Variants in TACR3 observed in about 807,000 individuals in gnomAD.
TACR3 encodes the protein tachykinin receptor 3.
Under a neutral mutation model 35.0 loss-of-function variants are expected in TACR3, and 34 were observed. The ratio of observed to expected loss-of-function variants is 0.97; its 90% CI spans 0.74 to 1.30. The LOEUF (loss-of-function observed/expected upper bound fraction) is 1.30. Ranked by LOEUF, TACR3 falls within the 50% of genes most tolerant of loss-of-function variation. The probability of loss-of-function intolerance (pLI) is 0.00; values close to 1 mark genes in which losing one functional copy is unlikely to be tolerated. For missense variants in TACR3, 558 were observed against 591.7 expected (o/e 0.94, Z 0.59); for synonymous variants, 233 against 221.1 (o/e 1.05, Z -0.48).
chr4:103,653,044 C>T (rs1725656779), intron 3 of TACR3, among the ~76,000 whole-genome samples: 1 of 151,794 alleles, frequency 6.6e-6, no homozygotes, highest in African/African-American at 2.4e-5. Flanking sequence ...ATGCTCATAC[C>T]AATAACTGAC....
rs1723776554 is a variant in TACR3, at chr4:103,586,644, T to TAGCAA, written c.*3037_*3038insTTGCT. ...ACTCTGAAATTGCTCAGTTCACTGT[T>TAGCAA]TCTAAGACATTGGCAGGATTTGGAA... On this transcript the variant is annotated 3_prime_UTR_variant, in exon 5 of 5. Coordinates refer to ENST00000304883, the MANE Select transcript of TACR3 (RefSeq NM_001059.3). The TAGCAA allele has an allele frequency of 3.3e-5, 5 of 152,212 alleles. No individual in the cohort carries two copies. Among genetic ancestry groups the TAGCAA allele is most frequent in the African/African-American group, 1.2e-4 (5 of 41,560 alleles). 9.4% of individuals were successfully genotyped at this position (152,212 alleles called of 1,614,324 possible). A position where few individuals can be genotyped will look rare whatever the true frequency, so the allele number is the denominator to read the frequency against.
At chr4:103,619,785 T>C (rs903317257) in intron 3 of TACR3, among the ~76,000 whole-genome samples, 1 of 152,226 alleles carries the variant, frequency 6.6e-6, no homozygotes, top group Non-Finnish European at 1.5e-5. Context: ...GACAATATGA[T>C]TTGTGCTATT....
At chr4:103,601,525 G>C (rs1289114275) in intron 3 of TACR3, among the ~76,000 whole-genome samples, 1 of 152,104 alleles carries the variant, frequency 6.6e-6, no homozygotes, top group Non-Finnish European at 1.5e-5. Flanking sequence ...GGCTGGTACT[G>C]GTTGTTCCTT....
At chr4:103,616,133 G>C (rs1724653020) in intron 3 of TACR3, among the ~76,000 whole-genome samples, 1 of 152,172 alleles carries the variant, frequency 6.6e-6, no homozygotes, top group Admixed American at 6.5e-5. Context: ...AGACAGGATA[G>C]TGAAGAATGC....
chr4:103,607,492 T>C (rs1724407327), intron 3 of TACR3, among the ~76,000 whole-genome samples: 1 of 151,878 alleles, frequency 6.6e-6, no homozygotes, highest in South Asian at 2.1e-4. Flanking sequence ...TTAAATATTT[T>C]ATATTTAAAT....
chr4:103,685,013 AAATAAAT>A (rs1045297544), intron 1 of TACR3, among the ~76,000 whole-genome samples: 2 of 150,490 alleles, frequency 1.3e-5, no homozygotes, highest in African/African-American at 4.9e-5. Flanking sequence ...ATAAATAAAT[AAATAAAT>A]AAATAAATAA....
chr4:103,705,300 T>C (rs1416906817), intron 1 of TACR3, among the ~76,000 whole-genome samples: 2 of 152,162 alleles, frequency 1.3e-5, no homozygotes, highest in Non-Finnish European at 2.9e-5. Flanking sequence ...AATGCCTGTT[T>C]CATTGCATGC....
At chr4:103,711,331 G>A (rs1229815795) in intron 1 of TACR3, among the ~76,000 whole-genome samples, 1 of 152,148 alleles carries the variant, frequency 6.6e-6, no homozygotes, top group Admixed American at 6.6e-5. Context: ...TGCAAGGCTG[G>A]TTCAACATAC....
In TACR3 at chr4:103,589,339, A is replaced by T. The variant is rs2110281757; in HGVS notation, c.*343T>A. 1 of 199,766 alleles carries T rather than the reference A, an allele frequency of 5.0e-6. No homozygotes were observed. Among genetic ancestry groups the T allele is most frequent in the Admixed American group, 5.2e-5 (1 of 19,048 alleles). 12.4% of individuals were successfully genotyped at this position (199,766 alleles called of 1,614,324 possible). On this transcript the variant is annotated 3_prime_UTR_variant, in exon 5 of 5. Transcript: ENST00000304883. The stretch of plus-strand genomic sequence containing the variant: ...TAAAGATTCTTTAATCTCTTGGAAA[A>T]ACTATATATCATTTTAATGTCACAA...
intron 3 of TACR3, among the ~76,000 whole-genome samples, chr4:103,645,064 A>G (rs891889243): frequency 6.6e-6 from 1 of 151,880 alleles, no homozygotes; most frequent in African/African-American, 2.4e-5. Flanking sequence ...GGCATGGAAA[A>G]AGAGTCAGAC....
chr4:103,716,121 G>C (rs915264918), intron 1 of TACR3, among the ~76,000 whole-genome samples: 1 of 151,984 alleles, frequency 6.6e-6, no homozygotes, highest in Non-Finnish European at 1.5e-5. Context: ...CATCTTTGAG[G>C]CAAGTGTTAC....
intron 3 of TACR3, among the ~76,000 whole-genome samples, chr4:103,597,493 A>T (rs4698901): frequency 0.75 from 114,544 of 151,890 alleles, 43,570 homozygotes; most frequent in East Asian, 0.98. Flanking sequence ...TTAGGGTACA[A>T]GTGCACAACG....
At chr4:103,643,257 G>A (rs963539533) in intron 3 of TACR3, among the ~76,000 whole-genome samples, 1 of 151,852 alleles carries the variant, frequency 6.6e-6, no homozygotes, top group Non-Finnish European at 1.5e-5. Flanking sequence ...CCTGTGGTTA[G>A]TGGCTACTGT....
chr4:103,615,879 A>C (rs1489797441), intron 3 of TACR3, among the ~76,000 whole-genome samples: 2 of 152,176 alleles, frequency 1.3e-5, no homozygotes, highest in African/African-American at 2.4e-5. Context: ...CTGGCTCATA[A>C]ATTTCATCTG....
chr4:103,650,509 TATATATAAATATGTATTATTTATATATAA>T (rs1441990528), intron 3 of TACR3, among the ~76,000 whole-genome samples: 1 of 133,474 alleles, frequency 7.5e-6, no homozygotes, highest in East Asian at 2.1e-4. Flanking sequence ...TATATATATT[TATATATAAATATGTATTATTTATATATAA>T]ATATATAAAA....
At chr4:103,629,222 A>G (rs1724985171) in intron 3 of TACR3, among the ~76,000 whole-genome samples, 1 of 152,142 alleles carries the variant, frequency 6.6e-6, no homozygotes, top group African/African-American at 2.4e-5. Context: ...CCCTTTGAAA[A>G]CTGGCACAAG....
intron 1 of TACR3, among the ~76,000 whole-genome samples, chr4:103,701,401 G>T (rs1284064638): frequency 6.6e-6 from 1 of 151,722 alleles, no homozygotes; most frequent in Admixed American, 6.6e-5. Flanking sequence ...AATAAAAGAG[G>T]ATACAAACAA....
At chr4:103,694,294 A>G (rs1722475884) in intron 1 of TACR3, among the ~76,000 whole-genome samples, 1 of 144,644 alleles carries the variant, frequency 6.9e-6, no homozygotes, top group South Asian at 2.1e-4. Context: ...TGGGAGTTCC[A>G]GGGACTAATC....
chr4:103,589,704 G>A lies in TACR3; in HGVS notation c.1376C>T (p.Thr459Ile), dbSNP rs1723849453. Reference sequence around the variant, plus strand: ...GAATTAAGAATATTCATCCACAGAGGTATAGGGTGAGCTTATGAAACTTGA... The same window carrying A: ...GAATTAAGAATATTCATCCACAGAGATATAGGGTGAGCTTATGAAACTTGA... ...ATSSFISSPY[T>I]SVDEYS The change falls in exon 5 of 5, where the codon ACC becomes ATC. Residue 459 changes from threonine (T) to isoleucine (I), a missense_variant. Transcript: ENST00000304883. 1 of 1,613,820 alleles carries A rather than the reference G, an allele frequency of 6.2e-7. No homozygotes were observed. The highest frequency in any genetic ancestry group is 2.2e-5 in the East Asian group (1 of 44,882).
Sources: gnomAD v4.1 joint callset for allele counts (sites outside exome capture counted in the v4.1 genomes callset) on GRCh38, gnomAD v4.1.1 for gene constraint, MANE v1.5 for transcripts, NCBI Gene and HGNC (gene_info 2026-07-23, HGNC 2026-07-21) for gene names.